The following NCR3LG1 variants were observed in gnomAD, a reference collection of about 807,000 sequenced individuals.
NCR3LG1 encodes natural killer cell cytotoxicity receptor 3 ligand 1.
Under a neutral mutation model 34.8 loss-of-function variants are expected in NCR3LG1, and 35 were observed. The observed-to-expected ratio is 1.01, with a 90% CI of 0.77 to 1.33. The LOEUF is 1.33. Among genes scored for constraint, NCR3LG1 ranks in the 40% most tolerant of loss-of-function variants. The pLI is 0.00. For synonymous variants in NCR3LG1, 173 were observed against 163.6 expected (o/e 1.06, Z -0.44); for missense variants, 452 against 423.3 (o/e 1.07, Z -0.60).
At chr11:17,357,183 C>T (rs199747532) in intron 2 of NCR3LG1, among the ~76,000 whole-genome samples, 182 bp downstream of exon 2, 73 of 152,204 alleles carry the variant, frequency 4.8e-4, no homozygotes, top group African/African-American at 1.7e-3. Flanking sequence ...TGACTGGATG[C>T]CTTTAAACAA....
downstream of NCR3LG1, among the ~76,000 whole-genome samples, chr11:17,379,035 T>C (rs1302375712): frequency 6.6e-6 from 1 of 152,208 alleles, no homozygotes; most frequent in Non-Finnish European, 1.5e-5. Flanking sequence ...TGCCCAGCAC[T>C]CATCAATTTC....
At chr11:17,355,886 C>A (rs1953198504) in intron 1 of NCR3LG1, among the ~76,000 whole-genome samples, 1 of 152,170 alleles carries the variant, frequency 6.6e-6, no homozygotes, top group Non-Finnish European at 1.5e-5. Context: ...CAGCCTTGAA[C>A]TTCTGGGCAC....
chr11:17,369,240 A>C (rs1203787622), intron 4 of NCR3LG1, among the ~76,000 whole-genome samples: 1 of 152,156 alleles, frequency 6.6e-6, no homozygotes, highest in African/African-American at 2.4e-5. Flanking sequence ...CTCCATACTA[A>C]ACAAGTATTA....
Position 17,356,901 on chromosome 11 carries a change from G to A in NCR3LG1, c.321G>A (p.Leu107=), listed in dbSNP as rs1565501538. Residue 107 remains leucine (L), a synonymous_variant, in exon 2 of 5, where the codon CTG becomes CTA. Transcript: ENST00000338965. ...GGCTGAAGAGTGGGGACGCCTCACT[G>A]CGGCTGCCTGGAATCCAGCTGGAGG... is the stretch of plus-strand genomic sequence containing the variant. The part of the protein sequence containing the change: ...PWRLKSGDAS[L]RLPGIQLEEA... 6.5e-7 allele frequency: 1 copy of A among 1,536,138 alleles called. No individual in the cohort carries two copies. Among genetic ancestry groups the A allele is most frequent in the South Asian group, 1.2e-5 (1 of 84,060 alleles).
chr11:17,371,138 T>A (rs1032737991), intron 4 of NCR3LG1, among the ~76,000 whole-genome samples: 1 of 149,044 alleles, frequency 6.7e-6, no homozygotes, highest in Non-Finnish European at 1.5e-5. Flanking sequence ...AATTTAAGCA[T>A]TCCCTCTATG....
At chr11:17,353,031 G>A (rs981619218) in intron 1 of NCR3LG1, among the ~76,000 whole-genome samples, 7 of 152,210 alleles carry the variant, frequency 4.6e-5, no homozygotes, top group Non-Finnish European at 1.0e-4. Flanking sequence ...GGCGCCCCGA[G>A]TCACTGCAGG....
Position 17,370,527 on chromosome 11 carries a change from C to A in NCR3LG1, c.859-1479C>A, listed in dbSNP as rs370296940. The stretch of plus-strand genomic sequence containing the variant: ...TAAAAGCTTTTAGAGCGGCTGCCAA[C>A]CTTATGAGACTTAAGATACAGGCTT... On this transcript the variant is annotated intron_variant, in intron 4 of 4. Transcript: ENST00000338965. Among the ~76,000 whole-genome samples, 5 of 152,264 alleles carry A rather than the reference C, an allele frequency of 3.3e-5. No individual in the cohort carries two copies. The East Asian group carries it at 9.6e-4, about 29-fold the overall frequency.
Position 17,372,113 on chromosome 11 carries a change from C to T in NCR3LG1, c.966C>T (p.Cys322=), listed in dbSNP as rs1434265939. Reference sequence around the variant, plus strand: ...AGAAAGAGCACCTCATATTCTTTTGCACTCGGGCATGGCCGTCTTACCAGC... The same window carrying T: ...AGAAAGAGCACCTCATATTCTTTTGTACTCGGGCATGGCCGTCTTACCAGC... ...TLKKEHLIFF[C]TRAWPSYQLQ... The change falls in exon 5 of 5, where the codon TGC becomes TGT. Residue 322 remains cysteine (C), a synonymous_variant. Coordinates refer to ENST00000338965, the MANE Select transcript of NCR3LG1 (RefSeq NM_001202439.3). The T allele has an allele frequency of 5.7e-6, 4 of 703,002 alleles. No individual in the cohort carries two copies. The South Asian group carries it at 5.9e-5, about 10-fold the overall frequency. The allele number at this position is 703,002 out of a possible 1,614,324, so 43.5% of individuals were successfully genotyped here.
At chr11:17,377,997 A>C (rs1212317388), downstream of NCR3LG1, among the ~76,000 whole-genome samples, 2 of 152,210 alleles carry the variant, frequency 1.3e-5, no homozygotes, top group African/African-American at 2.4e-5. Flanking sequence ...AACCATGGAT[A>C]GGGGATTCTA....
chr11:17,378,402 A>G (rs570787698), downstream of NCR3LG1, among the ~76,000 whole-genome samples: 1 of 152,276 alleles, frequency 6.6e-6, no homozygotes, highest in South Asian at 2.1e-4. Flanking sequence ...CTCCTTTATT[A>G]GGCCCCCTTT....
chr11:17,353,821 T>C (rs987530618), intron 1 of NCR3LG1, among the ~76,000 whole-genome samples: 4 of 152,208 alleles, frequency 2.6e-5, no homozygotes, highest in Non-Finnish European at 5.9e-5. Flanking sequence ...GCGTTGGTGC[T>C]GGACTTTGGC....
rs755783140 is a variant in NCR3LG1, at chr11:17,374,717, T to C, written c.*2205T>C. The C allele has an allele frequency of 6.6e-6, 1 of 152,176 alleles. No individual in the cohort carries two copies. Among genetic ancestry groups the C allele is most frequent in the Non-Finnish European group, 1.5e-5 (1 of 68,028 alleles). 9.4% of individuals were successfully genotyped at this position (152,176 alleles called of 1,614,324 possible). Reference sequence around the variant, plus strand: ...GGGCATTACAGGTTTTTGTAGGTTATAGATACCCAGGTATGATAAAATAGG... The same window carrying C: ...GGGCATTACAGGTTTTTGTAGGTTACAGATACCCAGGTATGATAAAATAGG... On this transcript the variant is annotated 3_prime_UTR_variant, in exon 5 of 5. Coordinates refer to ENST00000338965, the MANE Select transcript of NCR3LG1 (RefSeq NM_001202439.3).
At chr11:17,357,367 A>G (rs1953222501) in intron 2 of NCR3LG1, among the ~76,000 whole-genome samples, 1 of 152,102 alleles carries the variant, frequency 6.6e-6, no homozygotes, top group African/African-American at 2.4e-5. Flanking sequence ...AAGGATACCA[A>G]TCATATTGGA....
intron 2 of NCR3LG1, among the ~76,000 whole-genome samples, chr11:17,360,719 G>A (rs1363925100): frequency 1.1e-4 from 16 of 151,590 alleles, no homozygotes; most frequent in Admixed American, 9.2e-4. Flanking sequence ...ATATATTTGT[G>A]TGGGTCCATT....
rs1341159033 is a variant in NCR3LG1 at position 17,362,726 on chromosome 11, TTCTTTCTTTCTTTC to T, written c.422-4281_422-4268del. Among the ~76,000 whole-genome samples, 23 of 112,862 alleles carry T rather than the reference TTCTTTCTTTCTTTC, an allele frequency of 2.0e-4. 2 individuals are homozygous for T. The highest frequency in any genetic ancestry group is 1.1e-3 in the African/African-American group (22 of 20,110). The allele number at this position is 112,862 out of a possible 152,430, so 74.0% of individuals were successfully genotyped here. On this transcript the variant is annotated intron_variant, in intron 2 of 4. Transcript: ENST00000338965. The stretch of plus-strand genomic sequence containing the variant: ...TTTCTTTCTTTCTTTCTTTCTTTCT[TTCTTTCTTTCTTTC>T]TTTCTTTCTTTCTTTCTTTCTTTCT...
chr11:17,358,165 A>G (rs898217116), intron 2 of NCR3LG1, among the ~76,000 whole-genome samples: 16 of 152,216 alleles, frequency 1.1e-4, no homozygotes, highest in Non-Finnish European at 2.2e-4. Context: ...GATATAATTA[A>G]TGAACCCATA....
intron 2 of NCR3LG1, 118 bp from the exon 3 acceptor site, chr11:17,366,891 T>C: frequency 1.4e-6 from 1 of 695,928 alleles, no homozygotes; most frequent in Non-Finnish European, 2.4e-6. Flanking sequence ...TTGTCTTATC[T>C]GGCTACAGGA....
chr11:17,357,543 T>C (rs1953224519), intron 2 of NCR3LG1, among the ~76,000 whole-genome samples: 1 of 152,256 alleles, frequency 6.6e-6, no homozygotes, highest in South Asian at 2.1e-4. Context: ...TACATAAGAC[T>C]TTGAATGTTT....
In NCR3LG1 at chr11:17,373,621, C is replaced by G. The variant is rs1480886257; in HGVS notation, c.*1109C>G. The G allele has an allele frequency of 1.4e-5, 2 of 147,460 alleles. No individual in the cohort carries two copies. Among genetic ancestry groups the G allele is most frequent in the Admixed American group, 1.3e-4 (2 of 14,832 alleles). The allele number at this position is 147,460 out of a possible 1,614,324, so 9.1% of individuals were successfully genotyped here. A position where few individuals can be genotyped will look rare whatever the true frequency, so the allele number is the denominator to read the frequency against. ...TAGACTTCTTTCTGGACACTGGAGCCAGGCTTCTGTTTTCCTCTCCAATTC... is the reference window on the plus strand; with the variant it reads ...TAGACTTCTTTCTGGACACTGGAGCGAGGCTTCTGTTTTCCTCTCCAATTC... On this transcript the variant is annotated 3_prime_UTR_variant, in exon 5 of 5. Coordinates refer to ENST00000338965, the MANE Select transcript of NCR3LG1 (RefSeq NM_001202439.3).
Sources: allele counts gnomAD v4.1 joint callset (sites outside exome capture counted in the v4.1 genomes callset), GRCh38; gene constraint gnomAD v4.1.1; transcripts MANE v1.5; gene names NCBI Gene and HGNC (gene_info 2026-07-23, HGNC 2026-07-21).